CABP2: variants seen among roughly 807,000 people sequenced by gnomAD.
CABP2 encodes calcium-binding protein 2.
In CABP2, 25 loss-of-function variants were observed where a neutral mutation model predicts 28.6. The ratio of observed to expected loss-of-function variants is 0.87; its 90% CI spans 0.64 to 1.22. The LOEUF (loss-of-function observed/expected upper bound fraction) is 1.22. CABP2 is among the 50% of genes most tolerant of loss of function. CABP2 has a pLI of 0.00. For missense variants in CABP2, 310 were observed against 312.2 expected (o/e 0.99, Z 0.05); for synonymous variants, 138 against 126.0 (o/e 1.09, Z -0.64).
chr11:67,520,659 A>G (rs1866733745), intron 4 of CABP2, among the ~76,000 whole-genome samples: 1 of 151,972 alleles, frequency 6.6e-6, no homozygotes, highest in South Asian at 2.1e-4. Context: ...CATCTAAACA[A>G]AAAACAAAAA....
chr11:67,519,627 T>C (rs1205840644), intron 6 of CABP2, among the ~76,000 whole-genome samples, 166 bp downstream of exon 6: 10 of 152,316 alleles, frequency 6.6e-5, no homozygotes, highest in South Asian at 6.2e-4. Flanking sequence ...CTCTTGCCTA[T>C]GGGGATAACA....
Position 67,521,895 on chromosome 11 carries a change from C to T in CABP2, c.244+57G>A, listed in dbSNP as rs1231489274. On this transcript the variant is annotated intron_variant, in intron 3 of 6. Transcript: ENST00000294288. The stretch of plus-strand genomic sequence containing the variant: ...GCCCCCCCAACCCTGTGTCCCCACC[C>T]CATGCCCCCCATGCCACCTCCCCTT... 4 of 1,236,448 alleles carry T rather than the reference C, an allele frequency of 3.2e-6. No individual in the cohort carries two copies. The African/African-American group carries it at 5.9e-5, about 18-fold the overall frequency. 76.6% of individuals were successfully genotyped at this position (1,236,448 alleles called of 1,614,324 possible).
chr11:67,522,862 T>G, intron 1 of CABP2, 146 bp from the exon 2 acceptor site: 1 of 703,700 alleles, frequency 1.4e-6, no homozygotes, highest in South Asian at 2.0e-5. Context: ...GAGAGGACCC[T>G]CACCCGTGAA....
At chr11:67,520,805 G>A (rs1866735734) in intron 4 of CABP2, among the ~76,000 whole-genome samples, 1 of 152,250 alleles carries the variant, frequency 6.6e-6, no homozygotes, top group South Asian at 2.1e-4. Flanking sequence ...TAGCCATTCA[G>A]TTGCCTCATC....
rs934982711 is a variant in CABP2 at position 67,522,615 on chromosome 11, G to A, written c.144C>T (p.Tyr48=). The stretch of plus-strand genomic sequence containing the variant: ...GCCCCACCAGGCTGTTGAGCACCGA[G>A]TAGCCCTGGACGCCTGGCGCGGGGT... ...QGDPAPGVQG[Y]SVLNSLVGPA... The change falls in exon 2 of 7, where the codon TAC becomes TAT. Residue 48 remains tyrosine (Y), a synonymous_variant. Transcript: ENST00000294288. The A allele has an allele frequency of 5.8e-6, 9 of 1,550,780 alleles. No individual in the cohort carries two copies. The highest frequency in any genetic ancestry group is 7.0e-6 in the Non-Finnish European group (8 of 1,147,164).
chr11:67,522,442 C>T (rs1014817560), intron 2 of CABP2, 104 bp downstream of exon 2: 17 of 1,242,984 alleles, frequency 1.4e-5, no homozygotes, highest in Middle Eastern at 2.3e-4. Flanking sequence ...AGAGGCAAAG[C>T]GAGGGGCAAG....
chr11:67,519,160 A>G lies in CABP2; in HGVS notation c.642T>C (p.Phe214=), dbSNP rs1866703868. Residue 214 remains phenylalanine (F), a synonymous_variant, in exon 7 of 7, where the codon TTT becomes TTC. Coordinates refer to ENST00000294288, the MANE Select transcript of CABP2 (RefSeq NM_016366.3). The stretch of plus-strand genomic sequence containing the variant: ...AGGCTCACCGAGACATCATTCGCAC[A>G]AACTCTGCCAGGACGAAGCCAAGGT... ...NGDGLVDFEE[F]VRMMSR 1.9e-6 allele frequency: 3 copies of G among 1,613,928 alleles called. No individual in the cohort carries two copies. The highest frequency in any genetic ancestry group is 2.5e-6 in the Non-Finnish European group (3 of 1,180,024).
Position 67,521,962 on chromosome 11 carries a change from C to T in CABP2, c.234G>A (p.Glu78=). ...ATQLDRELRP[E]EIEELQVAFQ... is the part of the protein sequence containing the mutation. ...TCTCCAACCCTTTACCTTCAATCTC[C>T]TCGGGCCGCAGCTCCCGGTCCTGAA... Residue 78 remains glutamate (E), a synonymous_variant, in exon 3 of 7, where the codon GAG becomes GAA. Transcript: ENST00000294288. 6.2e-7 allele frequency: 1 copy of T among 1,611,144 alleles called. No individual in the cohort carries two copies. The highest frequency in any genetic ancestry group is 8.5e-7 in the Non-Finnish European group (1 of 1,178,548).
chr11:67,522,791 A>G, intron 1 of CABP2, 75 bp from the exon 2 acceptor site: 4 of 1,322,704 alleles, frequency 3.0e-6, no homozygotes, highest in Non-Finnish European at 4.0e-6. Context: ...CACTCCTCTC[A>G]CCAGCTGCTC....
At chr11:67,521,870 G>GGCCCCCCCCCCCCCCCCCCCCCCCC in intron 3 of CABP2, 82 bp downstream of exon 3, 1 of 470,122 alleles carries the variant, frequency 2.1e-6, no homozygotes, top group Non-Finnish European at 3.9e-6. Flanking sequence ...CCCACCCGAT[G>GGCCCCCCCCCCCCCCCCCCCCCCCC]CCCCCCCAAC....
At position 67,519,806 on chromosome 11, in the gene CABP2, CAGACCGTCCCCATTG is replaced by C; in HGVS notation, c.609_623del (p.Asn204_Leu208del). 1.2e-6 allele frequency: 2 copies of C among 1,613,958 alleles called. No individual in the cohort carries two copies. The highest frequency in any genetic ancestry group is 1.7e-6 in the Non-Finnish European group (2 of 1,179,892). ...GGCAGGGGGTACCTTCGAAGTCGAC[CAGACCGTCCCCATTG>C]AGGTCCACGTCCTGGAGGATCTCGT... On this transcript the variant is annotated inframe_deletion, in exon 6 of 7. Coordinates refer to ENST00000294288, the MANE Select transcript of CABP2 (RefSeq NM_016366.3).
chr11:67,520,952 G>T, intron 4 of CABP2, 73 bp downstream of exon 4: 2 of 1,510,618 alleles, frequency 1.3e-6, no homozygotes, highest in South Asian at 1.2e-5. Context: ...CTGTGTACCT[G>T]GACTGCTTGG....
chr11:67,519,956 T>C lies in CABP2; in HGVS notation c.490-16A>G. ...TGGTGTCGAACTGTGGCGGCGTTGG[T>C]TGTGGCGTCTGGTCACTGACAGTCA... On this transcript the variant is annotated splice_polypyrimidine_tract_variant and intron_variant, in intron 5 of 6. Coordinates refer to ENST00000294288, the MANE Select transcript of CABP2 (RefSeq NM_016366.3). 6.2e-7 allele frequency: 1 copy of C among 1,601,872 alleles called. No individual in the cohort carries two copies. The highest frequency in any genetic ancestry group is 8.5e-7 in the Non-Finnish European group (1 of 1,175,952).
intron 1 of CABP2, 41 bp from the exon 2 acceptor site, chr11:67,522,757 A>T: frequency 6.9e-7 from 1 of 1,444,356 alleles, no homozygotes; most frequent in South Asian, 1.4e-5. Context: ...GTGGCCGCTG[A>T]GCTCTGGGCC....
At chr11:67,521,870 G>GGCCCCCCCCCCCCCGGGGGCC in intron 3 of CABP2, 82 bp downstream of exon 3, 1 of 470,124 alleles carries the variant, frequency 2.1e-6, no homozygotes, top group Non-Finnish European at 3.9e-6. Flanking sequence ...CCCACCCGAT[G>GGCCCCCCCCCCCCCGGGGGCC]CCCCCCCAAC....
Position 67,519,789 on chromosome 11 carries a change from G to C in CABP2, c.637+4C>G, listed in dbSNP as rs200289196. 1 of 1,613,532 alleles carries C rather than the reference G, an allele frequency of 6.2e-7. No homozygotes were observed. Among genetic ancestry groups the C allele is most frequent in the Middle Eastern group, 1.7e-4 (1 of 6,048 alleles). On this transcript the variant is annotated splice_donor_region_variant and intron_variant, in intron 6 of 6. Transcript: ENST00000294288. The stretch of plus-strand genomic sequence containing the variant: ...CGTGTGTTGCTATGTGCGGCAGGGG[G>C]TACCTTCGAAGTCGACCAGACCGTC...
chr11:67,521,337 A>G (rs918871590), intron 3 of CABP2, among the ~76,000 whole-genome samples, 178 bp from the exon 4 acceptor site: 1 of 152,128 alleles, frequency 6.6e-6, no homozygotes, highest in Non-Finnish European at 1.5e-5. Flanking sequence ...ATATTTGAGG[A>G]GCATCTACTA....
In CABP2 at chr11:67,521,013, C is replaced by A. The variant is rs200339707; in HGVS notation, c.379+12G>T. ...GGAGGACTGGGGATGGGGATGGGTC[C>A]GAGGCACATACTGATTTGTTGTGAG... On this transcript the variant is annotated intron_variant, in intron 4 of 6. Coordinates refer to ENST00000294288, the MANE Select transcript of CABP2 (RefSeq NM_016366.3). 2 of 1,611,680 alleles carry A rather than the reference C, an allele frequency of 1.2e-6. No individual in the cohort carries two copies. The highest frequency in any genetic ancestry group is 8.5e-7 in the Non-Finnish European group (1 of 1,178,352).
rs2134359524 is a variant in CABP2 at position 67,519,796 on chromosome 11, C to T, written c.634G>A (p.Glu212Lys). The change falls in exon 6 of 7, where the codon GAA becomes AAA. Residue 212 changes from glutamate to lysine, a missense_variant. Physicochemically the swap from Glu to Lys is moderately conservative, Grantham distance 56. Coordinates refer to ENST00000294288, the MANE Select transcript of CABP2 (RefSeq NM_016366.3). ...DLNGDGLVDF[E>K]EFVRMMSR Reference sequence around the variant, plus strand: ...TGCTATGTGCGGCAGGGGGTACCTTCGAAGTCGACCAGACCGTCCCCATTG... The same window carrying T: ...TGCTATGTGCGGCAGGGGGTACCTTTGAAGTCGACCAGACCGTCCCCATTG... The T allele has an allele frequency of 1.2e-6, 2 of 1,613,790 alleles. No individual in the cohort carries two copies. The highest frequency in any genetic ancestry group is 1.7e-6 in the Non-Finnish European group (2 of 1,179,780).
Sources: allele counts gnomAD v4.1 joint callset (sites outside exome capture counted in the v4.1 genomes callset), GRCh38; gene constraint gnomAD v4.1.1; transcripts MANE v1.5; gene names NCBI Gene and HGNC (gene_info 2026-07-23, HGNC 2026-07-21).